Variants in MCC observed in about 807,000 individuals in gnomAD.
The protein encoded by MCC is colorectal mutant cancer protein.
Under a neutral mutation model 116.2 loss-of-function variants are expected in MCC, and 90 were observed. That is an observed-to-expected ratio of 0.77 (90% CI 0.65 to 0.92). The LOEUF is 0.92. Among genes scored for constraint, MCC ranks in the 40% least tolerant of loss-of-function variants. The pLI is 0.00. For synonymous variants in MCC, 578 were observed against 510.5 expected (o/e 1.13, Z -1.78); for missense variants, 1,516 against 1,312.2 (o/e 1.16, Z -2.40).
chr5:113,244,031 T>G (rs1284571112), intron 3 of MCC, among the ~76,000 whole-genome samples: 1 of 152,230 alleles, frequency 6.6e-6, no homozygotes, highest in Non-Finnish European at 1.5e-5. Context: ...CAGGATCCAT[T>G]CTACACTGCA....
chr5:113,449,974 G>T (rs1771340327), intron 1 of MCC, among the ~76,000 whole-genome samples: 1 of 152,098 alleles, frequency 6.6e-6, no homozygotes, highest in Admixed American at 6.6e-5. Flanking sequence ...CCTTTATAAA[G>T]AGAACACATG....
chr5:113,245,643 T>C lies in MCC; in HGVS notation c.628-94221A>G, dbSNP rs538484336. Among the ~76,000 whole-genome samples, 26 of 152,326 alleles carry C rather than the reference T, an allele frequency of 1.7e-4. No homozygotes were observed. The East Asian group carries it at 5.0e-3, about 29-fold the overall frequency. On this transcript the variant is annotated intron_variant, in intron 3 of 18. Transcript: ENST00000408903. ...TAATTTTGAAACTGTGCTACCACCC[T>C]GTAACCTTCCTAGAGAATATAAGGC...
At chr5:113,286,943 T>C (rs1457095736) in intron 3 of MCC, among the ~76,000 whole-genome samples, 1 of 152,200 alleles carries the variant, frequency 6.6e-6, no homozygotes, top group African/African-American at 2.4e-5. Flanking sequence ...AAAGACAGGG[T>C]ATCTCTGTAG....
intron 1 of MCC, among the ~76,000 whole-genome samples, chr5:113,411,988 A>G (rs1163369307): frequency 6.6e-6 from 1 of 152,208 alleles, no homozygotes; most frequent in Non-Finnish European, 1.5e-5. Flanking sequence ...CTTTCTACAT[A>G]TGGCTAGCCA....
intron 3 of MCC, among the ~76,000 whole-genome samples, chr5:113,328,816 T>A (rs1767628364): frequency 6.6e-6 from 1 of 152,210 alleles, no homozygotes; most frequent in African/African-American, 2.4e-5. Flanking sequence ...CAGAACAGTC[T>A]GGGGATCATC....
intron 2 of MCC, 123 bp downstream of exon 2, chr5:113,384,845 A>G: frequency 8.9e-7 from 1 of 1,127,352 alleles, no homozygotes. Flanking sequence ...AAGTGTGGCC[A>G]GGAGGGCAGC....
intron 1 of MCC, among the ~76,000 whole-genome samples, chr5:113,481,971 C>G (rs956780682): frequency 6.6e-6 from 1 of 152,208 alleles, no homozygotes; most frequent in African/African-American, 2.4e-5. Flanking sequence ...CACTAATCCA[C>G]TTTCTATCTC....
chr5:113,148,013 A>G (rs1241749997), intron 4 of MCC, among the ~76,000 whole-genome samples: 1 of 152,230 alleles, frequency 6.6e-6, no homozygotes. Context: ...CTGCTCACCT[A>G]TTTTAAAGGG....
At chr5:113,306,666 A>G (rs975413119) in intron 3 of MCC, among the ~76,000 whole-genome samples, 34 of 152,162 alleles carry the variant, frequency 2.2e-4, no homozygotes, top group African/African-American at 7.7e-4. Flanking sequence ...CCATTTTGTG[A>G]GCTGTCTTTT....
At chr5:113,046,224 A>G (rs1279262424) in intron 16 of MCC, among the ~76,000 whole-genome samples, 1 of 151,266 alleles carries the variant, frequency 6.6e-6, no homozygotes, top group African/African-American at 2.4e-5. Context: ...ACAGAGTCTG[A>G]CTCTGTCGCC....
chr5:113,299,345 A>AAAAAAAAAC (rs1766796530), intron 3 of MCC, among the ~76,000 whole-genome samples: 1 of 133,016 alleles, frequency 7.5e-6, no homozygotes, highest in East Asian at 2.2e-4. Flanking sequence ...AAAAAAAAAA[A>AAAAAAAAAC]AGAGTAGGGC....
intron 7 of MCC, among the ~76,000 whole-genome samples, chr5:113,102,307 T>C (rs565188255): frequency 6.6e-6 from 1 of 152,352 alleles, no homozygotes; most frequent in East Asian, 1.9e-4. Context: ...CAGAAGGCCA[T>C]TTAGTGATCC....
At chr5:113,321,966 G>C (rs1767432615) in intron 3 of MCC, among the ~76,000 whole-genome samples, 2 of 152,176 alleles carry the variant, frequency 1.3e-5, no homozygotes, top group Non-Finnish European at 2.9e-5. Context: ...CAAGTAGCTA[G>C]GATTACAGGT....
intron 3 of MCC, among the ~76,000 whole-genome samples, chr5:113,231,994 C>A (rs929531075): frequency 3.9e-5 from 6 of 152,092 alleles, no homozygotes; most frequent in Non-Finnish European, 7.4e-5. Flanking sequence ...ATCTAAACAA[C>A]CTCCTGGTTT....
chr5:113,198,261 A>G (rs985233657), intron 3 of MCC, among the ~76,000 whole-genome samples: 5 of 152,218 alleles, frequency 3.3e-5, no homozygotes, highest in African/African-American at 1.2e-4. Context: ...AGGGGCTGTC[A>G]TTTGAGTCCT....
intron 3 of MCC, among the ~76,000 whole-genome samples, chr5:113,211,331 G>A (rs569810999): frequency 6.6e-6 from 1 of 152,310 alleles, no homozygotes; most frequent in Admixed American, 6.5e-5. Context: ...TCAGAACTGT[G>A]AGAAATGTCT....
intron 1 of MCC, among the ~76,000 whole-genome samples, chr5:113,411,691 TAAAA>T (rs1188633646): frequency 6.6e-6 from 1 of 151,146 alleles, no homozygotes; most frequent in Admixed American, 6.6e-5. Context: ...AAAAGCAAAA[TAAAA>T]AAAAATTTTC....
intron 5 of MCC, among the ~76,000 whole-genome samples, chr5:113,127,890 G>T (rs1758167600): frequency 6.6e-6 from 1 of 152,102 alleles, no homozygotes; most frequent in South Asian, 2.1e-4. Flanking sequence ...TATTGCTTTT[G>T]GTGTCTTTGT....
intron 11 of MCC, among the ~76,000 whole-genome samples, chr5:113,075,562 A>G (rs976062748): frequency 6.6e-6 from 1 of 152,220 alleles, no homozygotes; most frequent in African/African-American, 2.4e-5. Context: ...TGCACCAATC[A>G]GCACTCTGTG....
Sources: allele counts gnomAD v4.1 joint callset (sites outside exome capture counted in the v4.1 genomes callset), GRCh38; gene constraint gnomAD v4.1.1; transcripts MANE v1.5; gene names NCBI Gene and HGNC (gene_info 2026-07-23, HGNC 2026-07-21).